The following MYOM3 variants were observed in gnomAD, a reference collection of about 807,000 sequenced individuals.
MYOM3 encodes myomesin-3.
In MYOM3, 155 loss-of-function variants were observed where a neutral mutation model predicts 191.7. The ratio of observed to expected loss-of-function variants is 0.81; its 90% CI spans 0.71 to 0.92. MYOM3 has a LOEUF of 0.92. Ranked by LOEUF, MYOM3 falls within the 40% of genes least tolerant of loss-of-function variation. The pLI, the probability that MYOM3 is intolerant of heterozygous loss-of-function variation, is 0.00. For synonymous variants in MYOM3, 757 were observed against 762.9 expected, an observed-to-expected ratio of 0.99 and a Z score of 0.13; for missense variants, 1,889 against 1,890.6, an observed-to-expected ratio of 1.00 and a Z score of 0.02.
At chr1:24,085,606 C>T (rs1168997526) in intron 15 of MYOM3, among the ~76,000 whole-genome samples, 2 of 152,168 alleles carry the variant, frequency 1.3e-5, no homozygotes, top group Non-Finnish European at 2.9e-5. Flanking sequence ...AGGTCTTCAT[C>T]CCTCACCTGT....
Position 24,106,027 on chromosome 1 carries a change from G to A in MYOM3, c.453C>T (p.Gly151=), listed in dbSNP as rs1347071749. 11 of 1,613,878 alleles carry A rather than the reference G, an allele frequency of 6.8e-6. No homozygotes were observed. In the South Asian group the frequency reaches 1.2e-4, roughly 18 times the overall value. The change falls in exon 5 of 37, where the codon GGC becomes GGT. Residue 151 remains glycine (G), a synonymous_variant. Coordinates refer to ENST00000374434, the MANE Select transcript of MYOM3 (RefSeq NM_152372.4). ...EAKELRELCY[G]RGPWFWIPLR... ...GAGGGATCCAGAACCAGGGCCCGCG[G>A]CCGTAGCACAGCTCCCTCAGCTCCT...
chr1:24,074,500 G>A lies in MYOM3; in HGVS notation c.2859-231C>T, dbSNP rs1460005989. 2.0e-5 allele frequency among the ~76,000 whole-genome samples: 3 copies of A among 152,166 alleles called. 1 individual carries two copies. Among genetic ancestry groups the A allele is most frequent in the African/African-American group, 4.8e-5 (2 of 41,434 alleles). ...GCTCTCTGGCACTGGGTCTGCACTG[G>A]CCACACCACCCTGACTTCCTCCAGG... On this transcript the variant is annotated intron_variant, in intron 22 of 36. Coordinates refer to ENST00000374434, the MANE Select transcript of MYOM3 (RefSeq NM_152372.4).
chr1:24,109,802 C>T (rs1644024084), intron 1 of MYOM3, among the ~76,000 whole-genome samples: 1 of 152,246 alleles, frequency 6.6e-6, no homozygotes, highest in African/African-American at 2.4e-5. Context: ...ACCCCTAGCC[C>T]TTCTGATCTC....
intron 5 of MYOM3, among the ~76,000 whole-genome samples, chr1:24,102,631 T>C (rs4648932): frequency 0.34 from 51,556 of 152,016 alleles, 9,351 homozygotes; most frequent in Admixed American, 0.39. Flanking sequence ...GAGGACTACT[T>C]GAGGCCAGGA....
chr1:24,104,957 G>A (rs1001837430), intron 5 of MYOM3, among the ~76,000 whole-genome samples: 3 of 152,224 alleles, frequency 2.0e-5, no homozygotes, highest in Admixed American at 1.3e-4. Context: ...TTAGACCCAG[G>A]GGGATCTCAG....
chr1:24,106,511 C>T (rs368606132), intron 4 of MYOM3, among the ~76,000 whole-genome samples: 1 of 152,298 alleles, frequency 6.6e-6, no homozygotes, highest in East Asian at 1.9e-4. Context: ...AAGTCACTTT[C>T]CAAACCCAGT....
Position 24,111,045 on chromosome 1 carries a change from C to T in MYOM3, c.-19+986G>A, listed in dbSNP as rs1041614170. ...ACCTCGGGGCCTCCAGCAACCAGACCCCTGGCTTTAGCGGATGAGCTACCA... is the reference window on the plus strand; with the variant it reads ...ACCTCGGGGCCTCCAGCAACCAGACTCCTGGCTTTAGCGGATGAGCTACCA... On this transcript the variant is annotated intron_variant, in intron 1 of 36. Coordinates refer to ENST00000374434, the MANE Select transcript of MYOM3 (RefSeq NM_152372.4). The surrounding 1 kb of genome is among the most constrained non-coding windows in gnomAD (Gnocchi z 4.7). Among the ~76,000 whole-genome samples the T allele has an allele frequency of 1.3e-5, 2 of 152,248 alleles. No homozygotes were observed. Among genetic ancestry groups the T allele is most frequent in the Non-Finnish European group, 2.9e-5 (2 of 68,050 alleles).
intron 22 of MYOM3, 143 bp from the exon 23 acceptor site, chr1:24,074,412 T>C (rs1643572263): frequency 3.2e-6 from 2 of 622,884 alleles, no homozygotes; most frequent in South Asian, 4.0e-5. Context: ...CACAGGCAGC[T>C]GCCTCCTGCT....
chr1:24,063,542 C>T lies in MYOM3; in HGVS notation c.3623-12G>A. 1.2e-6 allele frequency: 2 copies of T among 1,614,110 alleles called. No individual in the cohort carries two copies. Among genetic ancestry groups the T allele is most frequent in the East Asian group, 4.5e-5 (2 of 44,878 alleles). ...GATGGCATCCAGGGCTGGCGGGAAA[C>T]AGAGAGAAGGGTTAGCTGGCATAGG... On this transcript the variant is annotated splice_polypyrimidine_tract_variant and intron_variant, in intron 30 of 36. Transcript: ENST00000374434. This position sits in a 1 kb window ranked among gnomAD's most constrained non-coding sequence, Gnocchi z 4.5.
chr1:24,062,029 T>C lies in MYOM3; in HGVS notation c.3851A>G (p.Lys1284Arg), dbSNP rs769003312. The C allele has an allele frequency of 1.8e-5, 29 of 1,614,044 alleles. No individual in the cohort carries two copies. Among genetic ancestry groups the C allele is most frequent in the Non-Finnish European group, 2.5e-5 (29 of 1,180,050 alleles). The change falls in exon 33 of 37, where the codon AAA becomes AGA. Residue 1284 changes from lysine (K) to arginine (R), a missense_variant. Lys to Arg is a conservative substitution (Grantham distance 26). Coordinates refer to ENST00000374434, the MANE Select transcript of MYOM3 (RefSeq NM_152372.4). ...AGTGTATTTGCCCTTGTCTGAGTCTTTGGGGTCCAGGATGTGAAGCCAGAT... is the reference window on the plus strand; with the variant it reads ...AGTGTATTTGCCCTTGTCTGAGTCTCTGGGGTCCAGGATGTGAAGCCAGAT... ...DEIWLHILDP[K>R]DSDKGKYTLE...
At chr1:24,082,512 C>A in intron 17 of MYOM3, 81 bp downstream of exon 17, 1 of 1,475,286 alleles carries the variant, frequency 6.8e-7, no homozygotes, top group Non-Finnish European at 9.0e-7. Context: ...CAGGACTGGG[C>A]CCTCCAAGAT....
chr1:24,077,493 G>T (rs568842536), intron 20 of MYOM3, among the ~76,000 whole-genome samples: 3 of 152,064 alleles, frequency 2.0e-5, no homozygotes, highest in Non-Finnish European at 4.4e-5. Flanking sequence ...CTGGAATGCC[G>T]TCCCGCCTCC....
At position 24,076,289 on chromosome 1, in the gene MYOM3, A is replaced by G; in HGVS notation, c.2587-16T>C. 2 of 1,596,670 alleles carry G rather than the reference A, an allele frequency of 1.3e-6. No homozygotes were observed. Among genetic ancestry groups the G allele is most frequent in the Non-Finnish European group, 1.7e-6 (2 of 1,164,212 alleles). The stretch of plus-strand genomic sequence containing the variant: ...AGTCGGAAACCTGGGGGCAGAGGGC[A>G]AGAGCCAGCACTGAGGACAGCAGTG... On this transcript the variant is annotated splice_polypyrimidine_tract_variant and intron_variant, in intron 20 of 36. Coordinates refer to ENST00000374434, the MANE Select transcript of MYOM3 (RefSeq NM_152372.4).
intron 29 of MYOM3, among the ~76,000 whole-genome samples, chr1:24,065,632 G>T (rs1643424830): frequency 6.6e-6 from 1 of 152,210 alleles, no homozygotes; most frequent in African/African-American, 2.4e-5. Flanking sequence ...AAAAAAATCA[G>T]TAATACTGAT....
In MYOM3 at chr1:24,091,002, G is replaced by T; in HGVS notation, c.1233-6C>A. The T allele has an allele frequency of 6.2e-7, 1 of 1,612,746 alleles. No individual in the cohort carries two copies. The highest frequency in any genetic ancestry group is 1.4e-5 in the African/African-American group (1 of 74,044). On this transcript the variant is annotated splice_polypyrimidine_tract_variant and splice_region_variant and intron_variant, in intron 11 of 36. Coordinates refer to ENST00000374434, the MANE Select transcript of MYOM3 (RefSeq NM_152372.4). ...CCCCAGACTCGCCCTGGCACCTGTT[G>T]GAGACAGGCCCCCCCTTTCAGCCCC...
intron 6 of MYOM3, among the ~76,000 whole-genome samples, chr1:24,099,007 G>A (rs891823896): frequency 6.6e-5 from 10 of 152,120 alleles, no homozygotes; most frequent in South Asian, 2.1e-4. Flanking sequence ...ATTATGGATC[G>A]TATGTGAAAA....
At chr1:24,072,422 C>G (rs1282750719) in intron 23 of MYOM3, among the ~76,000 whole-genome samples, 4 of 152,210 alleles carry the variant, frequency 2.6e-5, no homozygotes. Flanking sequence ...TCACCCCTGT[C>G]ACATGCTATC....
intron 6 of MYOM3, 68 bp from the exon 7 acceptor site, chr1:24,098,079 T>C (rs1311262145): frequency 5.9e-6 from 6 of 1,020,444 alleles, no homozygotes; most frequent in Non-Finnish European, 6.3e-6. Flanking sequence ...AAGTCCCCTG[T>C]GTGGGTGGGA....
At chr1:24,096,198 G>A (rs1643877745) in intron 7 of MYOM3, among the ~76,000 whole-genome samples, 1 of 152,120 alleles carries the variant, frequency 6.6e-6, no homozygotes, top group African/African-American at 2.4e-5. Context: ...AAGGGCAGGA[G>A]GCTGCCCGAG....
Sources: gnomAD v4.1 joint callset for allele counts (sites outside exome capture counted in the v4.1 genomes callset) on GRCh38, gnomAD v4.1.1 for gene constraint, Gnocchi (gnomAD v3.1) non-coding constraint, MANE v1.5 for transcripts, NCBI Gene and HGNC (gene_info 2026-07-23, HGNC 2026-07-21) for gene names.